Variants in FOXP1 observed in about 807,000 individuals in gnomAD.
The protein encoded by FOXP1 is forkhead box P1, also known as forkhead box protein P1.
In FOXP1, 15 loss-of-function variants were observed where a neutral mutation model predicts 98.2. That is an observed-to-expected ratio of 0.15 (90% confidence interval 0.10 to 0.24). The LOEUF is 0.24. Among genes scored for constraint, FOXP1 ranks in the 10% least tolerant of loss-of-function variants. The pLI is 1.00. For synonymous variants in FOXP1, 371 were observed against 314.5 expected, an observed-to-expected ratio of 1.18 and a Z score of -1.90; for missense variants, 633 against 848.5, an observed-to-expected ratio of 0.75 and a Z score of 3.15.
At chr3:71,526,346 C>T (rs1319430044) in intron 2 of FOXP1, among the ~76,000 whole-genome samples, 1 of 152,128 alleles carries the variant, frequency 6.6e-6, no homozygotes, top group East Asian at 1.9e-4. Flanking sequence ...CCTCAGCCGA[C>T]AAAGTGGACC....
At chr3:71,106,267 C>T (rs1451034242) in intron 7 of FOXP1, among the ~76,000 whole-genome samples, 1 of 152,226 alleles carries the variant, frequency 6.6e-6, no homozygotes, top group East Asian at 1.9e-4. Context: ...ATATTAGCAT[C>T]ACATTTGCAT....
At position 71,053,712 on chromosome 3, in the gene FOXP1, A is replaced by G; in HGVS notation, c.344T>C (p.Ile115Thr). ...AGGGCTCAGCACTTGTTGCTGGAGG[A>G]TCTGCTGCATTTGCTGGGGAGTGAT... ...QVITPQQMQQ[I>T]LQQQVLSPQQ... The change falls in exon 8 of 21, where the codon ATC becomes ACC. Residue 115 changes from isoleucine (I) to threonine (T), a missense_variant. Ile to Thr is a moderately conservative substitution (Grantham distance 89, BLOSUM62 -1). This residue lies in a region of FOXP1 where 210 missense variants were observed against 270.6 expected (regional missense o/e 0.78). Coordinates refer to ENST00000649528, the MANE Select transcript of FOXP1 (RefSeq NM_001349338.3). The G allele has an allele frequency of 6.2e-7, 1 of 1,614,120 alleles. No individual in the cohort carries two copies. Among genetic ancestry groups the G allele is most frequent in the Non-Finnish European group, 8.5e-7 (1 of 1,179,986 alleles).
At chr3:71,265,826 G>A (rs939988329) in intron 5 of FOXP1, among the ~76,000 whole-genome samples, 3 of 152,136 alleles carry the variant, frequency 2.0e-5, no homozygotes, top group Admixed American at 6.5e-5. Flanking sequence ...AAACCTCATT[G>A]GAATCACGTA....
intron 2 of FOXP1, among the ~76,000 whole-genome samples, chr3:71,530,399 C>A (rs1272182241): frequency 6.6e-6 from 1 of 152,128 alleles, no homozygotes; most frequent in Non-Finnish European, 1.5e-5. Context: ...AACTTCCCAG[C>A]CTCCAGAACT....
chr3:70,986,628 A>G (rs997917967), intron 14 of FOXP1, among the ~76,000 whole-genome samples: 4 of 151,616 alleles, frequency 2.6e-5, no homozygotes, highest in African/African-American at 9.8e-5. Context: ...GCTGGGTTCT[A>G]GAAGGAGGGG....
At chr3:71,235,937 A>G (rs896162378) in intron 5 of FOXP1, among the ~76,000 whole-genome samples, 2 of 152,220 alleles carry the variant, frequency 1.3e-5, no homozygotes, top group African/African-American at 4.8e-5. Context: ...TAAAGAACAT[A>G]TATTAGGAGA....
In FOXP1 at chr3:71,019,846, AAAAACAAAACAAAAC is replaced by A. The variant is rs57192818; in HGVS notation, c.870-4208_870-4194del. Among the ~76,000 whole-genome samples, 53 of 151,848 alleles carry A rather than the reference AAAAACAAAACAAAAC, an allele frequency of 3.5e-4. 1 individual carries two copies. The East Asian group carries it at 4.3e-3, about 12-fold the overall frequency. On this transcript the variant is annotated intron_variant, in intron 11 of 20. Transcript: ENST00000649528. ...AGCGAGACACGGTCCCCCCCCCAAA[AAAAACAAAACAAAAC>A]AAAACAAAACAAAACATAAAACCAC...
intron 6 of FOXP1, among the ~76,000 whole-genome samples, chr3:71,154,592 T>C (rs543969198): frequency 6.6e-6 from 1 of 152,210 alleles, no homozygotes; most frequent in African/African-American, 2.4e-5. Context: ...GTGGACAATA[T>C]TGGGCGGAGG....
intron 4 of FOXP1, among the ~76,000 whole-genome samples, chr3:71,325,036 G>A (rs912512338): frequency 1.3e-5 from 2 of 149,570 alleles, no homozygotes; most frequent in Non-Finnish European, 3.0e-5. Context: ...CAGAGTTGCT[G>A]TAGGTATAAT....
chr3:71,267,571 G>A (rs1030012549), intron 5 of FOXP1, among the ~76,000 whole-genome samples: 22 of 152,194 alleles, frequency 1.4e-4, no homozygotes, highest in African/African-American at 5.3e-4. Context: ...ACAAGGTCAT[G>A]GAGCTAAAAA....
At chr3:71,317,664 AT>A (rs987096173) in intron 4 of FOXP1, among the ~76,000 whole-genome samples, 77 of 143,840 alleles carry the variant, frequency 5.4e-4, no homozygotes, top group South Asian at 2.0e-3. Context: ...GTGAGAGTTA[AT>A]TTTTTTTTTA....
chr3:71,382,059 T>G (rs1327690466), intron 3 of FOXP1, among the ~76,000 whole-genome samples: 1 of 152,030 alleles, frequency 6.6e-6, no homozygotes, highest in African/African-American at 2.4e-5. Context: ...GTTTCTTGAG[T>G]CCAAGGCTTC....
chr3:71,544,913 A>T (rs1240836075), intron 2 of FOXP1, among the ~76,000 whole-genome samples: 2 of 152,208 alleles, frequency 1.3e-5, no homozygotes, highest in Non-Finnish European at 2.9e-5. Context: ...TAGAAGGCAA[A>T]GAAAAGACAA....
chr3:71,091,433 T>TGA (rs1003863989), intron 7 of FOXP1, among the ~76,000 whole-genome samples: 2 of 151,892 alleles, frequency 1.3e-5, no homozygotes, highest in Non-Finnish European at 2.9e-5. Context: ...GAGGTTGTAG[T>TGA]GAGCCGAGAT....
intron 9 of FOXP1, among the ~76,000 whole-genome samples, chr3:71,047,383 A>G (rs1353031299): frequency 1.3e-5 from 2 of 152,110 alleles, no homozygotes; most frequent in Non-Finnish European, 2.9e-5. Context: ...CAAGATGTAA[A>G]CTTTTAGACT....
intron 6 of FOXP1, among the ~76,000 whole-genome samples, chr3:71,158,198 A>G (rs1333429747): frequency 6.6e-6 from 1 of 150,456 alleles, no homozygotes; most frequent in East Asian, 2.0e-4. Context: ...GGAGGGAAAG[A>G]AAGAAAGGGA....
chr3:71,066,007 A>T (rs2052442223), intron 7 of FOXP1, among the ~76,000 whole-genome samples: 1 of 151,606 alleles, frequency 6.6e-6, no homozygotes, highest in Non-Finnish European at 1.5e-5. Context: ...ACACACACAA[A>T]ATCCCCACAC....
chr3:71,569,711 G>A (rs2047185620), intron 2 of FOXP1, among the ~76,000 whole-genome samples: 1 of 151,956 alleles, frequency 6.6e-6, no homozygotes, highest in Admixed American at 6.6e-5. Context: ...ATTCACAAGT[G>A]TATGTAAATA....
intron 6 of FOXP1, among the ~76,000 whole-genome samples, chr3:71,153,759 G>A (rs1161574040): frequency 1.3e-5 from 2 of 152,068 alleles, no homozygotes; most frequent in Non-Finnish European, 2.9e-5. Context: ...TATTCTAAGA[G>A]ACAATCATAC....
Sources: allele counts gnomAD v4.1 joint callset (sites outside exome capture counted in the v4.1 genomes callset), GRCh38; gene constraint gnomAD v4.1.1; regional missense constraint gnomAD v4.1.1; transcripts MANE v1.5; gene names NCBI Gene and HGNC (gene_info 2026-07-23, HGNC 2026-07-21).